Variants in FGR observed in about 807,000 individuals in gnomAD.
The protein encoded by FGR is tyrosine-protein kinase Fgr.
Under a neutral mutation model 63.2 loss-of-function variants are expected in FGR, and 26 were observed. That is an observed-to-expected ratio of 0.41 (90% CI 0.30 to 0.57). The LOEUF (loss-of-function observed/expected upper bound fraction) is 0.57, where lower values mean the gene tolerates loss of function less well. FGR is among the 20% of genes least tolerant of loss of function. FGR has a pLI of 0.27. For missense variants in FGR, 511 were observed against 690.8 expected, an observed-to-expected ratio of 0.74 and a Z score of 2.92; for synonymous variants, 286 against 277.7, an observed-to-expected ratio of 1.03 and a Z score of -0.30.
intron 1 of FGR, among the ~76,000 whole-genome samples, chr1:27,630,878 T>C (rs900609840): frequency 6.6e-6 from 1 of 152,156 alleles, no homozygotes. Context: ...CTTCAACATC[T>C]GCCCTGTGGC....
At chr1:27,633,832 C>T (rs1474695646) in intron 1 of FGR, among the ~76,000 whole-genome samples, 1 of 152,146 alleles carries the variant, frequency 6.6e-6, no homozygotes, top group Non-Finnish European at 1.5e-5. Flanking sequence ...CAGGGATAGC[C>T]CTTAACCCTT....
chr1:27,634,291 C>T (rs998843913), intron 1 of FGR, among the ~76,000 whole-genome samples: 1 of 152,168 alleles, frequency 6.6e-6, no homozygotes, highest in Non-Finnish European at 1.5e-5. Flanking sequence ...GAGCGCGGGC[C>T]GAGACCGCCG....
chr1:27,624,677 G>A (rs1351074940), intron 2 of FGR, among the ~76,000 whole-genome samples: 2 of 152,024 alleles, frequency 1.3e-5, no homozygotes, highest in Non-Finnish European at 2.9e-5. Flanking sequence ...CTGTAAGACC[G>A]TGTTTGTGTG....
rs1557727396 is a variant in FGR at position 27,615,372 on chromosome 1, G to T, written c.1018+62C>A. 5.2e-6 allele frequency: 8 copies of T among 1,534,882 alleles called. No homozygotes were observed. In the South Asian group the frequency reaches 9.6e-5, roughly 18 times the overall value. On this transcript the variant is annotated intron_variant, in intron 9 of 12. Transcript: ENST00000374005. This position sits in a 1 kb window ranked among gnomAD's most constrained non-coding sequence, Gnocchi z 7.6. Reference sequence around the variant, plus strand: ...TCACAGATCGCGTCCCAGGTCCCACGCCTGAAAACTCCCCTCTTAACTTCA... The same window carrying T: ...TCACAGATCGCGTCCCAGGTCCCACTCCTGAAAACTCCCCTCTTAACTTCA...
At chr1:27,631,655 C>G (rs1055678646) in intron 1 of FGR, among the ~76,000 whole-genome samples, 9 of 152,278 alleles carry the variant, frequency 5.9e-5, no homozygotes, top group African/African-American at 1.9e-4. Context: ...ACAGTAAGTG[C>G]CCAGTGAACT....
chr1:27,614,308 A>G, intron 11 of FGR, 122 bp downstream of exon 11: 1 of 1,148,748 alleles, frequency 8.7e-7, no homozygotes, highest in East Asian at 2.6e-5. Flanking sequence ...TGCCTCTCAT[A>G]CTACATCAGG....
At chr1:27,624,125 C>G in intron 2 of FGR, 196 bp from the exon 3 acceptor site, 2 of 528,794 alleles carry the variant, frequency 3.8e-6, no homozygotes, top group East Asian at 3.0e-5. Flanking sequence ...CACAGTATGT[C>G]CCCCCTCAGT....
intron 4 of FGR, among the ~76,000 whole-genome samples, chr1:27,622,486 T>C (rs984573192): frequency 6.6e-6 from 1 of 151,760 alleles, no homozygotes; most frequent in African/African-American, 2.4e-5. Flanking sequence ...GTCTATTCAT[T>C]TTTATTTTTT....
intron 4 of FGR, among the ~76,000 whole-genome samples, chr1:27,622,651 A>G (rs1451671551): frequency 6.6e-6 from 1 of 152,114 alleles, no homozygotes; most frequent in East Asian, 1.9e-4. Flanking sequence ...GATTACAGGC[A>G]TGCGCCACCA....
At chr1:27,627,447 A>AACAC (rs3076985) in intron 1 of FGR, among the ~76,000 whole-genome samples, 3,990 of 148,458 alleles carry the variant, frequency 0.027, 202 homozygotes, top group African/African-American at 0.091. Context: ...CATGCACATG[A>AACAC]ACACACACAC....
In FGR at chr1:27,612,910, C is replaced by G. The variant is rs1428286084; in HGVS notation, c.*4G>C. The G allele has an allele frequency of 1.2e-6, 2 of 1,610,900 alleles. No individual in the cohort carries two copies. The highest frequency in any genetic ancestry group is 1.7e-6 in the Non-Finnish European group (2 of 1,177,996). On this transcript the variant is annotated 3_prime_UTR_variant, in exon 13 of 13. Coordinates refer to ENST00000374005, the MANE Select transcript of FGR (RefSeq NM_005248.3). Reference sequence around the variant, plus strand: ...CCGCCAGAGAGGGTTGATGCCCGGACAGGCTATGTCTGATCCCCGGGCTGG... The same window carrying G: ...CCGCCAGAGAGGGTTGATGCCCGGAGAGGCTATGTCTGATCCCCGGGCTGG...
rs869183064 is a variant in FGR, at chr1:27,615,376, GA to G, written c.1018+57del. The G allele has an allele frequency of 6.4e-7, 1 of 1,553,840 alleles. No homozygotes were observed. The highest frequency in any genetic ancestry group is 8.8e-7 in the Non-Finnish European group (1 of 1,141,230). On this transcript the variant is annotated intron_variant, in intron 9 of 12. Transcript: ENST00000374005. This position sits in a 1 kb window ranked among gnomAD's most constrained non-coding sequence, Gnocchi z 7.6. ...AGATCGCGTCCCAGGTCCCACGCCT[GA>G]AAACTCCCCTCTTAACTTCACCCCG... is the stretch of plus-strand genomic sequence containing the variant.
rs1337786572 is a variant in FGR at position 27,612,329 on chromosome 1, A to C, written c.*585T>G. 1 of 152,572 alleles carries C rather than the reference A, an allele frequency of 6.6e-6. No homozygotes were observed. Among genetic ancestry groups the C allele is most frequent in the Non-Finnish European group, 1.5e-5 (1 of 68,376 alleles). The allele number at this position is 152,572 out of a possible 1,614,324, so 9.5% of individuals were successfully genotyped here. ...ATTCATATTGTCATTTTACTTATTT[A>C]CAGAATCAATAAACCAACACATACA... On this transcript the variant is annotated 3_prime_UTR_variant, in exon 13 of 13. Coordinates refer to ENST00000374005, the MANE Select transcript of FGR (RefSeq NM_005248.3).
intron 1 of FGR, chr1:27,625,983 C>A (rs776141163): frequency 3.3e-4 from 132 of 400,254 alleles, no homozygotes; most frequent in Non-Finnish European, 4.4e-4. Flanking sequence ...TTCCTCTGAA[C>A]CCTGCTGTGC....
At position 27,614,487 on chromosome 1, in the gene FGR, T is replaced by C. The variant is rs2089760850; in HGVS notation, c.1192A>G (p.Ile398Val). 6.2e-7 allele frequency: 1 copy of C among 1,613,844 alleles called. No homozygotes were observed. The highest frequency in any genetic ancestry group is 8.5e-7 in the Non-Finnish European group (1 of 1,179,916). Residue 398 changes from isoleucine to valine, a missense_variant, in exon 11 of 13, where the codon ATC (isoleucine) becomes GTC (valine). Coordinates refer to ENST00000374005, the MANE Select transcript of FGR (RefSeq NM_005248.3). ...AGACGCGCCAAGCCAAAGTCTGCGA[T>C]CTTGCACGCCAGCCGCTCCCCAACC... ...ILVGERLACK[I>V]ADFGLARLIK...
At chr1:27,633,679 G>A (rs1300144496) in intron 1 of FGR, among the ~76,000 whole-genome samples, 1 of 152,206 alleles carries the variant, frequency 6.6e-6, no homozygotes, top group Non-Finnish European at 1.5e-5. Flanking sequence ...CTCTGGAGTA[G>A]CTGGGACTAC....
At chr1:27,621,184 TAATGCTTAGCA>T (rs1426014957) in intron 5 of FGR, among the ~76,000 whole-genome samples, 4 of 152,180 alleles carry the variant, frequency 2.6e-5, no homozygotes, top group Non-Finnish European at 5.9e-5. Flanking sequence ...GCAATATGTG[TAATGCTTAGCA>T]AATGCAGCCC....
At position 27,615,885 on chromosome 1, in the gene FGR, G is replaced by C; in HGVS notation, c.683-41C>G. On this transcript the variant is annotated intron_variant, in intron 7 of 12. Coordinates refer to ENST00000374005, the MANE Select transcript of FGR (RefSeq NM_005248.3). The surrounding 1 kb of genome is among the most constrained non-coding windows in gnomAD (Gnocchi z 7.6). The stretch of plus-strand genomic sequence containing the variant: ...TGAAGTAGAGTCACAGGTGGGCCAG[G>C]ACACCCCCCTCCACTCCTTATCCTA... The C allele has an allele frequency of 6.6e-7, 1 of 1,523,234 alleles. No homozygotes were observed. 94.4% of individuals were successfully genotyped at this position (1,523,234 alleles called of 1,614,324 possible). A position where few individuals can be genotyped will look rare whatever the true frequency, so the allele number is the denominator to read the frequency against.
At chr1:27,626,958 G>A (rs537307145) in intron 1 of FGR, among the ~76,000 whole-genome samples, 1 of 152,172 alleles carries the variant, frequency 6.6e-6, no homozygotes, top group Non-Finnish European at 1.5e-5. Context: ...CTTGAGCCCA[G>A]GAGCTTGAGA....
Sources: gnomAD v4.1 joint callset for allele counts (sites outside exome capture counted in the v4.1 genomes callset) on GRCh38, gnomAD v4.1.1 for gene constraint, Gnocchi (gnomAD v3.1) non-coding constraint, MANE v1.5 for transcripts, NCBI Gene and HGNC (gene_info 2026-07-23, HGNC 2026-07-21) for gene names.